The following SP140 variants were observed in gnomAD, a reference collection of about 807,000 sequenced individuals.
The protein encoded by SP140 is SP140 nuclear body protein.
SP140 carries 81 observed loss-of-function variants against 125.0 expected under a neutral mutation model. The ratio of observed to expected loss-of-function variants is 0.65; its 90% CI spans 0.54 to 0.78. The LOEUF (loss-of-function observed/expected upper bound fraction) is 0.78, where lower values mean the gene tolerates loss of function less well. SP140 is among the 30% of genes least tolerant of loss of function. The pLI is 0.00. For synonymous variants in SP140, 312 were observed against 354.0 expected (o/e 0.88, Z 1.33); for missense variants, 858 against 1,037.0 (o/e 0.83, Z 2.37).
chr2:230,282,288 T>C (rs2055685784), intron 15 of SP140, among the ~76,000 whole-genome samples: 1 of 152,182 alleles, frequency 6.6e-6, no homozygotes, highest in South Asian at 2.1e-4. Context: ...ATCTGGAGGC[T>C]ACATGATCTC....
chr2:230,194,951 G>A, the SP140 span, among the ~76,000 whole-genome samples: 1 of 152,160 alleles, frequency 6.6e-6, no homozygotes, highest in African/African-American at 2.4e-5. Flanking sequence ...CTGTGCTCCA[G>A]GCACATGTGG....
chr2:230,201,838 T>C (rs186574445), upstream of SP140, among the ~76,000 whole-genome samples: 3 of 152,352 alleles, frequency 2.0e-5, no homozygotes, highest in African/African-American at 7.2e-5. Context: ...GGTTTCAAAT[T>C]TTACATTACA....
At chr2:230,271,022 C>G (rs2053844969) in intron 15 of SP140, among the ~76,000 whole-genome samples, 1 of 152,080 alleles carries the variant, frequency 6.6e-6, no homozygotes, top group Non-Finnish European at 1.5e-5. Flanking sequence ...AAGAAGGGAC[C>G]AAGGAATATG....
Position 230,253,286 on chromosome 2 carries a change from G to A in SP140, c.1058-30G>A, listed in dbSNP as rs372364432. 2.6e-5 allele frequency: 39 copies of A among 1,499,714 alleles called. 1 individual carries two copies. In the African/African-American group the frequency reaches 4.7e-4, roughly 18 times the overall value. The allele number at this position is 1,499,714 out of a possible 1,614,324, so 92.9% of individuals were successfully genotyped here. A position where few individuals can be genotyped will look rare whatever the true frequency, so the allele number is the denominator to read the frequency against. On this transcript the variant is annotated intron_variant, in intron 10 of 26. Transcript: ENST00000392045. ...GGATGGCGTGAATGCACTGAGGTCT[G>A]TGTCCAAGTCACCCTCTGTGGTCTG...
chr2:230,291,137 A>G (rs908174177), intron 19 of SP140, among the ~76,000 whole-genome samples: 2 of 152,244 alleles, frequency 1.3e-5, no homozygotes, highest in African/African-American at 2.4e-5. Flanking sequence ...ATGTAAATTT[A>G]CATGTTTTTA....
intron 17 of SP140, 42 bp downstream of exon 17, chr2:230,285,874 A>G: frequency 6.8e-7 from 1 of 1,473,182 alleles, no homozygotes; most frequent in Non-Finnish European, 9.5e-7. Context: ...CCTACAGGTC[A>G]ATACAAATTT....
Position 230,241,439 on chromosome 2 carries a change from G to T in SP140, c.442G>T (p.Val148Leu), listed in dbSNP as rs189296991. 4.7e-5 allele frequency: 75 copies of T among 1,599,592 alleles called. No homozygotes were observed. Among genetic ancestry groups the T allele is most frequent in the Admixed American group, 3.3e-4 (20 of 59,958 alleles). Residue 148 changes from valine (V) to leucine (L), a missense_variant, in exon 4 of 27, where the codon GTA becomes TTA. Val to Leu is a conservative substitution (Grantham distance 32). Around this residue, in one of 4 missense-constraint regions of SP140, gnomAD observed 791 missense variants for 869.5 expected, o/e 0.91. Transcript: ENST00000392045. ...YEHSPLQMNN[V>L]NDLEDRPRLL... is the part of the protein sequence containing the mutation. ...ACACTCACCTCTCCAAATGAATAAT[G>T]TAAACGATTTAGAAGATAGACCCAG...
intron 22 of SP140, 37 bp from the exon 23 acceptor site, chr2:230,309,887 C>T (rs561306258): frequency 4.4e-5 from 71 of 1,607,046 alleles, no homozygotes; most frequent in Admixed American, 8.3e-5. Flanking sequence ...CTGAATCTTG[C>T]GGTTCCCAGT....
At chr2:230,212,611 A>C in intron 1 of SP140, 4 of 1,185,472 alleles carry the variant, frequency 3.4e-6, no homozygotes, top group Non-Finnish European at 5.0e-6. Flanking sequence ...GGCAGTGCTC[A>C]TAATCCCTCT....
chr2:230,273,449 T>C (rs2054233021), intron 15 of SP140, among the ~76,000 whole-genome samples: 1 of 152,150 alleles, frequency 6.6e-6, no homozygotes, highest in African/African-American at 2.4e-5. Context: ...AAACAACAGA[T>C]ACTGACGAGG....
At chr2:230,235,265 T>A (rs1321917040) in intron 1 of SP140, among the ~76,000 whole-genome samples, 1 of 152,224 alleles carries the variant, frequency 6.6e-6, no homozygotes, top group African/African-American at 2.4e-5. Context: ...CAGGACACGC[T>A]GGATCCTTTT....
intron 15 of SP140, among the ~76,000 whole-genome samples, chr2:230,280,139 C>A (rs1204931537): frequency 2.6e-5 from 4 of 152,062 alleles, no homozygotes; most frequent in African/African-American, 7.2e-5. Flanking sequence ...GTGTTAAATT[C>A]TTGCACATGG....
At chr2:230,188,577 G>T in the SP140 span, among the ~76,000 whole-genome samples, 2 of 152,132 alleles carry the variant, frequency 1.3e-5, no homozygotes, top group Non-Finnish European at 2.9e-5. Context: ...TTCTCCAGGG[G>T]AATGCATTAG....
In SP140 at chr2:230,248,013, A is replaced by G. The variant is rs780155024; in HGVS notation, c.840A>G (p.Lys280=). 1.9e-6 allele frequency: 3 copies of G among 1,613,852 alleles called. No homozygotes were observed. The highest frequency in any genetic ancestry group is 1.7e-4 in the Middle Eastern group (1 of 6,058). Residue 280 remains lysine, a synonymous_variant, in exon 8 of 27, where the codon AAA becomes AAG. Coordinates refer to ENST00000392045, the MANE Select transcript of SP140 (RefSeq NM_007237.5). ...AGGAAGGCAGGAACAGTCCCAGAAA[A>G]AGAAACCAAGACAAGGAGAAGTACC... The part of the protein sequence containing the change: ...GEEEGRNSPR[K]RNQDKEKYQE...
intron 12 of SP140, among the ~76,000 whole-genome samples, chr2:230,261,608 T>C (rs2052260591): frequency 6.6e-6 from 1 of 152,204 alleles, no homozygotes. Context: ...GTGGCTTTTA[T>C]TACCTTAAGG....
At chr2:230,277,421 A>T (rs1198843395) in intron 15 of SP140, among the ~76,000 whole-genome samples, 2 of 152,196 alleles carry the variant, frequency 1.3e-5, no homozygotes, top group African/African-American at 4.8e-5. Flanking sequence ...TGCACACTTA[A>T]TATACCACAG....
At chr2:230,270,341 T>C (rs1454130439) in intron 14 of SP140, among the ~76,000 whole-genome samples, 1 of 152,138 alleles carries the variant, frequency 6.6e-6, no homozygotes, top group Non-Finnish European at 1.5e-5. Context: ...GGTACTTAAT[T>C]GTCAGGAGGA....
chr2:230,300,085 T>C (rs1277919897), intron 22 of SP140, among the ~76,000 whole-genome samples: 1 of 152,104 alleles, frequency 6.6e-6, no homozygotes, highest in Non-Finnish European at 1.5e-5. Context: ...ACCCATCACC[T>C]GAGAAAACCG....
chr2:230,245,673 GGA>G (rs2049333192), intron 6 of SP140, among the ~76,000 whole-genome samples, 188 bp from the exon 7 acceptor site: 1 of 152,120 alleles, frequency 6.6e-6, no homozygotes, highest in South Asian at 2.1e-4. Context: ...GAAAAAAGAA[GGA>G]GAGAGAGGGA....
Sources: allele counts gnomAD v4.1 joint callset (sites outside exome capture counted in the v4.1 genomes callset), GRCh38; gene constraint gnomAD v4.1.1; regional missense constraint gnomAD v4.1.1; transcripts MANE v1.5; gene names NCBI Gene and HGNC (gene_info 2026-07-23, HGNC 2026-07-21).